IQGAP1: variants seen among roughly 807,000 people sequenced by gnomAD.
IQGAP1 encodes IQ motif containing GTPase activating protein 1, also known as ras GTPase-activating-like protein IQGAP1.
Under a neutral mutation model 215.6 loss-of-function variants are expected in IQGAP1, and 66 were observed. The ratio of observed to expected loss-of-function variants is 0.31; its 90% CI spans 0.25 to 0.38. The LOEUF is 0.38. Ranked by LOEUF, IQGAP1 falls within the 10% of genes least tolerant of loss-of-function variation. The probability of loss-of-function intolerance (pLI) is 1.00; values close to 1 mark genes in which losing one functional copy is unlikely to be tolerated. For synonymous variants in IQGAP1, 772 were observed against 728.7 expected (o/e 1.06, Z -0.96); for missense variants, 1,712 against 1,997.1 (o/e 0.86, Z 2.72).
intron 15 of IQGAP1, among the ~76,000 whole-genome samples, chr15:90,462,256 T>C (rs1482827571): frequency 6.6e-6 from 1 of 152,236 alleles, no homozygotes; most frequent in Non-Finnish European, 1.5e-5. Context: ...TAGCTAGTAA[T>C]CAGCTGGTTC....
chr15:90,423,893 A>G (rs1438348108), intron 2 of IQGAP1, among the ~76,000 whole-genome samples: 2 of 152,228 alleles, frequency 1.3e-5, no homozygotes, highest in South Asian at 2.1e-4. Flanking sequence ...ATTTTTGTCT[A>G]GAAATCTCAG....
chr15:90,395,511 G>A (rs1221057607), intron 2 of IQGAP1, among the ~76,000 whole-genome samples: 2 of 152,142 alleles, frequency 1.3e-5, no homozygotes, highest in Admixed American at 6.5e-5. Context: ...TAGTAGAGAC[G>A]GGGTTTCACC....
In IQGAP1 at chr15:90,388,314, C is replaced by A; in HGVS notation, c.-28C>A. The A allele has an allele frequency of 6.3e-7, 1 of 1,597,736 alleles. No homozygotes were observed. ...CCGCGCCTCCAAGGTTTCACGGCTT[C>A]CTCAGCAGAGACTCGGGCTCGTCCG... On this transcript the variant is annotated 5_prime_UTR_variant, in exon 1 of 38. Transcript: ENST00000268182.
rs988900497 is a variant in IQGAP1 at position 90,443,556 on chromosome 15, A to C, written c.913+78A>C. ...ATGTTGATCTATTCTGGGACTTACA[A>C]CATAGTTTGATTTACTTACTTTAGA... On this transcript the variant is annotated intron_variant, in intron 9 of 37. Coordinates refer to ENST00000268182, the MANE Select transcript of IQGAP1 (RefSeq NM_003870.4). The C allele has an allele frequency of 6.1e-6, 5 of 813,672 alleles. No homozygotes were observed. In the Admixed American group the frequency reaches 7.4e-5, roughly 12 times the overall value. 50.4% of individuals were successfully genotyped at this position (813,672 alleles called of 1,614,324 possible).
At chr15:90,431,823 T>C (rs1022155287) in intron 4 of IQGAP1, among the ~76,000 whole-genome samples, 3 of 152,246 alleles carry the variant, frequency 2.0e-5, no homozygotes, top group Non-Finnish European at 2.9e-5. Flanking sequence ...CTAATCTCTT[T>C]ATATGGTACA....
At chr15:90,402,561 A>G (rs1964818108) in intron 2 of IQGAP1, among the ~76,000 whole-genome samples, 1 of 152,218 alleles carries the variant, frequency 6.6e-6, no homozygotes, top group Non-Finnish European at 1.5e-5. Context: ...ACTGGGCTCT[A>G]AGAACTGTGA....
At chr15:90,477,601 A>C in intron 25 of IQGAP1, 64 bp from the exon 26 acceptor site, 1 of 1,147,030 alleles carries the variant, frequency 8.7e-7, no homozygotes, top group Non-Finnish European at 1.3e-6. Context: ...ATCTTTAAGC[A>C]GGAAGGATCT....
Position 90,440,585 on chromosome 15 carries a change from G to T in IQGAP1, c.619G>T (p.Ala207Ser). ...CTTTAGCAAGATTGGGGGCATCTTG[G>T]CTAATGAACTGTCAGTGGATGAAGC... is the stretch of plus-strand genomic sequence containing the variant. The part of the protein sequence containing the change: ...PAFSKIGGIL[A>S]NELSVDEAAL... Residue 207 changes from alanine (A) to serine (S), a missense_variant, in exon 7 of 38, where the codon GCT (alanine) becomes TCT (serine). Ala to Ser is a moderately conservative substitution (Grantham distance 99). Coordinates refer to ENST00000268182, the MANE Select transcript of IQGAP1 (RefSeq NM_003870.4). 1 of 1,566,616 alleles carries T rather than the reference G, an allele frequency of 6.4e-7. No individual in the cohort carries two copies. Among genetic ancestry groups the T allele is most frequent in the Non-Finnish European group, 8.7e-7 (1 of 1,153,996 alleles).
intron 1 of IQGAP1, 128 bp from the exon 2 acceptor site, chr15:90,390,646 G>A (rs897419242): frequency 1.7e-5 from 10 of 601,688 alleles, no homozygotes; most frequent in African/African-American, 1.3e-4. Flanking sequence ...AGTACACCTG[G>A]CTGGCTACAC....
At position 90,487,532 on chromosome 15, in the gene IQGAP1, C is replaced by G. The variant is rs781305462; in HGVS notation, c.4198C>G (p.Pro1400Ala). The change falls in exon 33 of 38, where the codon CCA (proline) becomes GCA (alanine). Residue 1400 changes from proline (P) to alanine (A), a missense_variant. Around this residue, in one of 2 missense-constraint regions of IQGAP1, gnomAD observed 691 missense variants for 923.0 expected, o/e 0.75. Coordinates refer to ENST00000268182, the MANE Select transcript of IQGAP1 (RefSeq NM_003870.4). ...AATTGTGGATGTCATCCGGTTCCAG[C>G]CAGGAGAGACCTTGACTGAAATCCT... ...RLIVDVIRFQ[P>A]GETLTEILET... The G allele has an allele frequency of 1.2e-6, 2 of 1,613,996 alleles. No individual in the cohort carries two copies. The highest frequency in any genetic ancestry group is 1.7e-5 in the Admixed American group (1 of 60,006).
chr15:90,422,609 C>A (rs1965154753), intron 2 of IQGAP1, among the ~76,000 whole-genome samples: 1 of 111,196 alleles, frequency 9.0e-6, no homozygotes, highest in Non-Finnish European at 1.8e-5. Context: ...TTGTCTCATT[C>A]ATATATATAT....
chr15:90,440,724 A>G, intron 7 of IQGAP1, 109 bp downstream of exon 7: 1 of 684,602 alleles, frequency 1.5e-6, no homozygotes, highest in Admixed American at 2.7e-5. Flanking sequence ...AGCAAGTTTA[A>G]GTCCACAGAT....
intron 15 of IQGAP1, among the ~76,000 whole-genome samples, chr15:90,463,757 T>C (rs2238324): frequency 0.18 from 27,506 of 152,140 alleles, 2,581 homozygotes; most frequent in South Asian, 0.23. Context: ...CTCTTAGAAT[T>C]GTAAGGCCAG....
rs760025929 is a variant in IQGAP1, at chr15:90,467,538, T to C, written c.2124T>C (p.Asp708=). Residue 708 remains aspartate, a synonymous_variant, in exon 18 of 38, where the codon GAT becomes GAC. Transcript: ENST00000268182. ...HNLETQEGGW[D]EPPNFVQNSM... ...TGGAGACCCAGGAAGGAGGATGGGATGAACCTCCAAATTTTGTGCAAAATT... is the reference window on the plus strand; with the variant it reads ...TGGAGACCCAGGAAGGAGGATGGGACGAACCTCCAAATTTTGTGCAAAATT... The C allele has an allele frequency of 1.2e-5, 19 of 1,613,280 alleles. No homozygotes were observed. The highest frequency in any genetic ancestry group is 1.6e-5 in the Non-Finnish European group (19 of 1,179,656).
intron 15 of IQGAP1, among the ~76,000 whole-genome samples, chr15:90,462,301 G>A (rs904375494): frequency 6.6e-6 from 1 of 152,238 alleles, no homozygotes; most frequent in African/African-American, 2.4e-5. Context: ...TTAGGACATT[G>A]AAATTCTTTT....
At chr15:90,415,516 T>G (rs1331522109) in intron 2 of IQGAP1, among the ~76,000 whole-genome samples, 1 of 152,182 alleles carries the variant, frequency 6.6e-6, no homozygotes, top group Non-Finnish European at 1.5e-5. Context: ...ATATAACTAT[T>G]TTTTCTTTTT....
rs1403587331 is a variant in IQGAP1, at chr15:90,477,761, C to G, written c.3201C>G (p.Ala1067=). The G allele has an allele frequency of 1.8e-5, 29 of 1,613,554 alleles. No individual in the cohort carries two copies. The highest frequency in any genetic ancestry group is 4.0e-5 in the African/African-American group (3 of 74,838). ...SFNRGARGQN[A]LRQILAPVVK... is the part of the protein sequence containing the mutation. ...ACCGTGGTGCCCGTGGCCAGAATGC[C>G]CTGAGACAGATCTTGGCCCCAGTCG... The change falls in exon 26 of 38, where the codon GCC becomes GCG. Residue 1067 remains alanine (A), a synonymous_variant. Coordinates refer to ENST00000268182, the MANE Select transcript of IQGAP1 (RefSeq NM_003870.4).
At chr15:90,462,300 T>A (rs1475456049) in intron 15 of IQGAP1, among the ~76,000 whole-genome samples, 4 of 152,244 alleles carry the variant, frequency 2.6e-5, no homozygotes, top group African/African-American at 9.6e-5. Flanking sequence ...GTTAGGACAT[T>A]GAAATTCTTT....
intron 2 of IQGAP1, among the ~76,000 whole-genome samples, chr15:90,425,355 A>T (rs2151013575): frequency 6.6e-6 from 1 of 152,280 alleles, no homozygotes; most frequent in South Asian, 2.1e-4. Context: ...GCCATAAATG[A>T]TCTTTAGTTA....
Sources: gnomAD v4.1 joint callset for allele counts (sites outside exome capture counted in the v4.1 genomes callset) on GRCh38, gnomAD v4.1.1 for gene constraint, gnomAD v4.1.1 regional missense constraint, MANE v1.5 for transcripts, NCBI Gene and HGNC (gene_info 2026-07-23, HGNC 2026-07-21) for gene names.